NT5C1B: variants seen among roughly 807,000 people sequenced by gnomAD.
NT5C1B encodes the protein 5'-nucleotidase, cytosolic IB.
NT5C1B carries 44 observed loss-of-function variants against 57.8 expected under a neutral mutation model. That is an observed-to-expected ratio of 0.76 (90% confidence interval 0.60 to 0.98). The LOEUF is 0.98. NT5C1B is among the 50% of genes least tolerant of loss of function. The pLI is 0.00. For synonymous variants in NT5C1B, 284 were observed against 282.6 expected, an observed-to-expected ratio of 1.00 and a Z score of -0.05; for missense variants, 742 against 719.5, an observed-to-expected ratio of 1.03 and a Z score of -0.36.
chr2:18,564,143 G>A (rs759843035), intron 8 of NT5C1B, 24 bp from the exon 9 acceptor site: 4 of 1,525,300 alleles, frequency 2.6e-6, no homozygotes, highest in African/African-American at 1.4e-5. Flanking sequence ...ATATATCACA[G>A]CTGTGATACA....
At chr2:18,582,766 T>C (rs1052753947) in intron 6 of NT5C1B, 102 bp downstream of exon 6, 1 of 1,505,574 alleles carries the variant, frequency 6.6e-7, no homozygotes, top group Admixed American at 2.0e-5. Context: ...GGTGTCAGTA[T>C]CAAAGACACT....
chr2:18,586,593 A>T, intron 2 of NT5C1B: 1 of 817,044 alleles, frequency 1.2e-6, no homozygotes, highest in Non-Finnish European at 1.8e-6. Flanking sequence ...TGGAGCATCT[A>T]TGTGGGGGTC....
At chr2:18,576,359 G>A in exon 8 of NT5C1B, 1 of 1,612,698 alleles carries the variant, frequency 6.2e-7, no homozygotes, top group Non-Finnish European at 8.5e-7. Flanking sequence ...CATTGTCGCA[G>A]AGGCAATACC....
intron 3 of NT5C1B, among the ~76,000 whole-genome samples, 165 bp downstream of exon 3, chr2:18,586,089 C>T (rs1379292951): frequency 1.3e-5 from 2 of 152,166 alleles, no homozygotes; most frequent in East Asian, 3.9e-4. Context: ...TCAGGTTTCT[C>T]AGTGGCAAAA....
chr2:18,567,187 A>G (rs1478060607), intron 8 of NT5C1B, among the ~76,000 whole-genome samples: 1 of 152,142 alleles, frequency 6.6e-6, no homozygotes, highest in East Asian at 1.9e-4. Flanking sequence ...CCTTGATGGT[A>G]CAGGTGTGGA....
intron 8 of NT5C1B, among the ~76,000 whole-genome samples, chr2:18,565,800 A>G (rs1440896623): frequency 1.3e-5 from 2 of 152,052 alleles, no homozygotes; most frequent in East Asian, 3.8e-4. Flanking sequence ...TTGCATCTTT[A>G]TATTTAACAT....
rs188688827 is a variant in NT5C1B at position 18,573,937 on chromosome 2, T to A, written c.1329+2247A>T. Among the ~76,000 whole-genome samples, 24 of 152,178 alleles carry A rather than the reference T, an allele frequency of 1.6e-4. No individual in the cohort carries two copies. The East Asian group carries it at 3.9e-3, about 24-fold the overall frequency. On this transcript the variant is annotated intron_variant, in intron 8 of 8. Transcript: ENST00000304081. ...GGGATTCACAATTTTAATTGTTTAA[T>A]GGGAGAAAAAGGCAATTTAAGGAGC...
At position 18,584,821 on chromosome 2, in the gene NT5C1B, G is replaced by T; in HGVS notation, c.416C>A (p.Pro139His). The T allele has an allele frequency of 6.2e-7, 1 of 1,612,320 alleles. No individual in the cohort carries two copies. The highest frequency in any genetic ancestry group is 8.5e-7 in the Non-Finnish European group (1 of 1,179,486). Residue 139 changes from proline (P) to histidine (H), a missense_variant, in exon 4 of 9, where the codon CCC (proline) becomes CAC (histidine). Physicochemically the swap from Pro to His is moderately conservative, Grantham distance 77 (BLOSUM62 -2). Transcript: ENST00000304081. The surrounding 1 kb of genome is among the most constrained non-coding windows in gnomAD (Gnocchi z 5.8). ...GGTGCTGCGCCGGGAGCCAGGATCGGGCTCTGGGGGCGTGGGAGGCCGCGA... is the reference window on the plus strand; with the variant it reads ...GGTGCTGCGCCGGGAGCCAGGATCGTGCTCTGGGGGCGTGGGAGGCCGCGA...
chr2:18,564,202 A>C, intron 8 of NT5C1B, 83 bp from the exon 9 acceptor site: 2 of 1,436,722 alleles, frequency 1.4e-6, no homozygotes, highest in Non-Finnish European at 1.8e-6. Context: ...ATATGATACG[A>C]TACAATACAA....
exon 9 of NT5C1B, chr2:18,563,947 T>G (rs144165826): frequency 5.0e-6 from 8 of 1,614,194 alleles, no homozygotes; most frequent in Middle Eastern, 1.6e-4. Context: ...GAAAAGAGCT[T>G]CGTCTATCTC....
At chr2:18,571,970 C>A (rs1393077733) in intron 8 of NT5C1B, among the ~76,000 whole-genome samples, 1 of 149,772 alleles carries the variant, frequency 6.7e-6, no homozygotes, top group Non-Finnish European at 1.5e-5. Context: ...CCTATAGTCA[C>A]AGCTACTCGG....
In NT5C1B at chr2:18,586,875, A is replaced by G. The variant is rs1269453583; in HGVS notation, c.121-484T>C. On this transcript the variant is annotated intron_variant, in intron 2 of 8. Coordinates refer to ENST00000304081, the Ensembl canonical transcript of NT5C1B. ...CCCTCAAGCTTTTCTTTTAGGAGAAACAAGAATGAAGGACCCCCCGGAACA... is the reference window on the plus strand; with the variant it reads ...CCCTCAAGCTTTTCTTTTAGGAGAAGCAAGAATGAAGGACCCCCCGGAACA... 4 of 1,508,762 alleles carry G rather than the reference A, an allele frequency of 2.7e-6. 1 individual carries two copies. Among genetic ancestry groups the G allele is most frequent in the Admixed American group, 4.2e-5 (2 of 47,500 alleles). 93.5% of individuals were successfully genotyped at this position (1,508,762 alleles called of 1,614,324 possible). A position where few individuals can be genotyped will look rare whatever the true frequency, so the allele number is the denominator to read the frequency against.
chr2:18,586,159 C>T, intron 3 of NT5C1B, 95 bp downstream of exon 3: 2 of 1,528,930 alleles, frequency 1.3e-6, no homozygotes. Context: ...ACATGTAAAG[C>T]ACATAAACAG....
At chr2:18,587,312 G>A (rs1666810210) in intron 2 of NT5C1B, 191 bp downstream of exon 2, 2 of 1,473,462 alleles carry the variant, frequency 1.4e-6, no homozygotes, top group Non-Finnish European at 9.0e-7. Context: ...GTGAACACTA[G>A]GGTATGGATG....
exon 1 of NT5C1B, chr2:18,589,550 T>C (rs1454868144): frequency 6.2e-7 from 1 of 1,601,316 alleles, no homozygotes; most frequent in Non-Finnish European, 8.5e-7. Flanking sequence ...CCTTGCTCAG[T>C]CTAGCTTTGC....
In NT5C1B at chr2:18,584,920, G is replaced by GAGTC. The variant is rs748370033; in HGVS notation, c.313_316dup (p.Ser106Ter). ...CTGCCCGGACAGCGGCGGCGGTGAGGAGTCATGCAGGCTTGGGGAGGTGGA... is the reference window on the plus strand; with the variant it reads ...CTGCCCGGACAGCGGCGGCGGTGAGGAGTCAGTCATGCAGGCTTGGGGAGGTGGA... On this transcript the variant is annotated stop_gained and frameshift_variant, in exon 4 of 9. Coordinates refer to ENST00000304081, the Ensembl canonical transcript of NT5C1B. LOFTEE classifies it high-confidence loss of function. The surrounding 1 kb of genome is among the most constrained non-coding windows in gnomAD (Gnocchi z 5.8). 1.4e-5 allele frequency: 21 copies of GAGTC among 1,547,368 alleles called. No individual in the cohort carries two copies. The highest frequency in any genetic ancestry group is 1.8e-5 in the Non-Finnish European group (21 of 1,153,728).
chr2:18,585,568 C>T (rs375914940), intron 3 of NT5C1B, among the ~76,000 whole-genome samples: 3 of 152,090 alleles, frequency 2.0e-5, no homozygotes, highest in South Asian at 4.1e-4. Context: ...CTCCTTGTGC[C>T]GGTGAAGCAC....
intron 6 of NT5C1B, among the ~76,000 whole-genome samples, chr2:18,580,195 A>C (rs1423839210): frequency 6.6e-6 from 1 of 152,210 alleles, no homozygotes; most frequent in Non-Finnish European, 1.5e-5. Context: ...GGGGTGTAAA[A>C]TAGTTCAGCT....
At chr2:18,567,898 A>G (rs1664787077) in intron 8 of NT5C1B, among the ~76,000 whole-genome samples, 1 of 152,310 alleles carries the variant, frequency 6.6e-6, no homozygotes, top group African/African-American at 2.4e-5. Flanking sequence ...CAATTTTGGC[A>G]AAGAGATTGA....
Sources: gnomAD v4.1 joint callset for allele counts (sites outside exome capture counted in the v4.1 genomes callset) on GRCh38, gnomAD v4.1.1 for gene constraint, Gnocchi (gnomAD v3.1) non-coding constraint, MANE v1.5 for transcripts, NCBI Gene and HGNC (gene_info 2026-07-23, HGNC 2026-07-21) for gene names.